DNAH6: variants seen among roughly 807,000 people sequenced by gnomAD.
DNAH6 encodes dynein axonemal heavy chain 6, also known as axonemal beta dynein heavy chain 6.
Under a neutral mutation model 491.4 loss-of-function variants are expected in DNAH6, and 340 were observed. The ratio of observed to expected loss-of-function variants is 0.69; its 90% CI spans 0.63 to 0.76. The LOEUF (loss-of-function observed/expected upper bound fraction) is 0.76, where lower values mean the gene tolerates loss of function less well. DNAH6 is among the 30% of genes least tolerant of loss of function. DNAH6 has a pLI of 0.00. For synonymous variants in DNAH6, 1,603 were observed against 1,686.1 expected (o/e 0.95, Z 1.21); for missense variants, 4,443 against 4,972.2 (o/e 0.89, Z 3.20).
intron 72 of DNAH6, 94 bp from the exon 73 acceptor site, chr2:84,812,247 C>A: frequency 8.4e-7 from 1 of 1,186,166 alleles, no homozygotes; most frequent in Non-Finnish European, 1.2e-6. Flanking sequence ...ACTGGCGCCT[C>A]CAGGCAAGGC....
chr2:84,462,771 TG>T, the DNAH6 span, among the ~76,000 whole-genome samples: 239 of 152,324 alleles, frequency 1.6e-3, 3 homozygotes, highest in African/African-American at 5.5e-3. Flanking sequence ...CAGGCCTAAC[TG>T]TTAAGGCTAT....
chr2:84,750,325 G>C (rs1295479222), intron 63 of DNAH6, among the ~76,000 whole-genome samples: 1 of 151,408 alleles, frequency 6.6e-6, no homozygotes, highest in East Asian at 2.0e-4. Context: ...TGGGACCACA[G>C]ACATGTACCA....
At chr2:84,640,772 CTG>C (rs1321297361) in intron 32 of DNAH6, among the ~76,000 whole-genome samples, 194 bp downstream of exon 32, 1 of 152,212 alleles carries the variant, frequency 6.6e-6, no homozygotes, top group African/African-American at 2.4e-5. Context: ...CAGTTCTTCA[CTG>C]TGAGTCCTAA....
chr2:84,703,493 T>C lies in DNAH6; in HGVS notation c.8160T>C (p.Leu2720=). ...ATCTTTCAGCTTTAGAGCCTGTACT[T>C]TTAGCAAAATCAGAAGATGTTGAAG... ...KLDLSALEPV[L]LAKSEDVEAL... Residue 2720 remains leucine (L), a synonymous_variant, in exon 50 of 77, where the codon CTT becomes CTC. Transcript: ENST00000389394. 6.4e-7 allele frequency: 1 copy of C among 1,551,496 alleles called. No individual in the cohort carries two copies. Among genetic ancestry groups the C allele is most frequent in the Non-Finnish European group, 8.7e-7 (1 of 1,146,844 alleles).
At chr2:84,803,088 A>G (rs1189108404) in intron 70 of DNAH6, among the ~76,000 whole-genome samples, 2 of 152,256 alleles carry the variant, frequency 1.3e-5, no homozygotes, top group African/African-American at 4.8e-5. Context: ...GTATAAAGCT[A>G]ACTGCCTACA....
At chr2:84,520,562 C>T (rs571239895) in intron 2 of DNAH6, among the ~76,000 whole-genome samples, 1 of 151,956 alleles carries the variant, frequency 6.6e-6, no homozygotes, top group East Asian at 1.9e-4. Flanking sequence ...TTTTCTGTTC[C>T]TCTCCCTCCT....
intron 26 of DNAH6, 73 bp from the exon 27 acceptor site, chr2:84,624,192 A>G (rs1304753561): frequency 2.2e-6 from 3 of 1,335,114 alleles, no homozygotes; most frequent in African/African-American, 1.5e-5. Flanking sequence ...TCCAAATTGA[A>G]TGGTGAAAGA....
upstream of DNAH6, among the ~76,000 whole-genome samples, chr2:84,511,717 A>G (rs1016214326): frequency 1.5e-4 from 23 of 152,148 alleles, no homozygotes; most frequent in African/African-American, 5.3e-4. Context: ...TAATGTTTTT[A>G]TAATGAAAGA....
intron 61 of DNAH6, among the ~76,000 whole-genome samples, chr2:84,730,184 A>G (rs568387369): frequency 6.6e-6 from 1 of 152,316 alleles, no homozygotes; most frequent in Admixed American, 6.5e-5. Flanking sequence ...GGCAACAACA[A>G]CAAAAGGTGG....
At chr2:84,602,462 GTTCTATAGATGTTGTGTCCCT>G (rs1685336221) in intron 18 of DNAH6, among the ~76,000 whole-genome samples, 1 of 67,902 alleles carries the variant, frequency 1.5e-5, no homozygotes, top group African/African-American at 6.0e-5. Flanking sequence ...AATTCTCATT[GTTCTATAGATGTTGTGTCCCT>G]TTTTTTTTTT....
intron 12 of DNAH6, among the ~76,000 whole-genome samples, chr2:84,575,293 G>A (rs889542777): frequency 3.6e-4 from 55 of 152,058 alleles, no homozygotes; most frequent in African/African-American, 1.3e-3. Flanking sequence ...CTCAGAGAAC[G>A]ACCAGCAGAT....
chr2:84,516,969 G>T (rs1172651236), intron 1 of DNAH6, among the ~76,000 whole-genome samples: 2 of 152,130 alleles, frequency 1.3e-5, no homozygotes, highest in Admixed American at 1.3e-4. Context: ...ATTATGTTTT[G>T]TATATGGTAA....
chr2:84,688,270 T>A (rs1694483165), intron 44 of DNAH6, among the ~76,000 whole-genome samples, 169 bp from the exon 45 acceptor site: 1 of 149,866 alleles, frequency 6.7e-6, no homozygotes, highest in African/African-American at 2.5e-5. Flanking sequence ...AATCAGAATA[T>A]AGCATTGTGA....
At chr2:84,648,511 T>C (rs751538782) in intron 33 of DNAH6, among the ~76,000 whole-genome samples, 5 of 152,248 alleles carry the variant, frequency 3.3e-5, no homozygotes, top group Admixed American at 6.5e-5. Flanking sequence ...TAAGACAGAA[T>C]GTCAACATTA....
chr2:84,537,708 C>T (rs1677828863), intron 4 of DNAH6, among the ~76,000 whole-genome samples: 1 of 152,060 alleles, frequency 6.6e-6, no homozygotes, highest in Admixed American at 6.6e-5. Flanking sequence ...AAAGGACCCA[C>T]TGTTGATATT....
At chr2:84,535,886 GA>G (rs1279083871) in intron 4 of DNAH6, among the ~76,000 whole-genome samples, 1 of 151,896 alleles carries the variant, frequency 6.6e-6, no homozygotes, top group African/African-American at 2.4e-5. Context: ...TTAGGAAGAA[GA>G]AAAAAGAACT....
intron 62 of DNAH6, among the ~76,000 whole-genome samples, chr2:84,735,539 C>T (rs1960630): frequency 0.11 from 16,160 of 152,132 alleles, 878 homozygotes; most frequent in Non-Finnish European, 0.11. Flanking sequence ...CTTTTCTCCA[C>T]AACCTTGCCA....
intron 29 of DNAH6, among the ~76,000 whole-genome samples, chr2:84,626,864 C>G (rs534640462): frequency 4.3e-4 from 65 of 152,314 alleles, no homozygotes; most frequent in African/African-American, 1.6e-3. Flanking sequence ...CTTTGGCCTC[C>G]CAAAGTGCTG....
chr2:84,812,644 A>T, intron 73 of DNAH6, 118 bp downstream of exon 73: 1 of 856,502 alleles, frequency 1.2e-6, no homozygotes, highest in South Asian at 1.8e-5. Context: ...GAGCCCAGAG[A>T]AAAAGAGATG....
Sources: allele counts gnomAD v4.1 joint callset (sites outside exome capture counted in the v4.1 genomes callset), GRCh38; gene constraint gnomAD v4.1.1; transcripts MANE v1.5; gene names NCBI Gene and HGNC (gene_info 2026-07-23, HGNC 2026-07-21).